CYTH1: variants seen among roughly 807,000 people sequenced by gnomAD.
The protein encoded by CYTH1 is cytohesin-1.
CYTH1 carries 18 observed loss-of-function variants against 61.8 expected under a neutral mutation model. The observed-to-expected ratio is 0.29, with a 90% CI of 0.20 to 0.43. CYTH1 has a LOEUF of 0.43. Ranked by LOEUF, CYTH1 falls within the 20% of genes least tolerant of loss-of-function variation. CYTH1 has a pLI of 1.00. For synonymous variants in CYTH1, 174 were observed against 184.3 expected, an observed-to-expected ratio of 0.94 and a Z score of 0.45; for missense variants, 336 against 510.5, an observed-to-expected ratio of 0.66 and a Z score of 3.29.
At chr17:78,725,687 C>G (rs182293753) in intron 1 of CYTH1, among the ~76,000 whole-genome samples, 1 of 152,286 alleles carries the variant, frequency 6.6e-6, no homozygotes, top group African/African-American at 2.4e-5. Context: ...GGATCACAGC[C>G]GGGGTTTACC....
At chr17:78,757,309 G>A (rs976221233) in intron 1 of CYTH1, among the ~76,000 whole-genome samples, 1 of 151,948 alleles carries the variant, frequency 6.6e-6, no homozygotes, top group African/African-American at 2.4e-5. Context: ...ATGACCGTGA[G>A]TGCAGTTTAA....
At chr17:78,765,026 G>A (rs1477851371) in intron 1 of CYTH1, among the ~76,000 whole-genome samples, 2 of 152,104 alleles carry the variant, frequency 1.3e-5, no homozygotes, top group Admixed American at 6.6e-5. Context: ...GAGAGAGTGC[G>A]GGAACTGAGC....
rs2092976063 is a variant in CYTH1, at chr17:78,698,883, C to T, written c.636G>A (p.Glu212=). ...TGCCTCGGTTCATGGCAATGAACCT[C>T]TCCACAGTGGGCTTATCTTTGACAT... ...NPNVKDKPTV[E]RFIAMNRGIN... The change falls in exon 8 of 14, where the codon GAG becomes GAA. Residue 212 remains glutamate, a synonymous_variant. Transcript: ENST00000446868. 6.2e-7 allele frequency: 1 copy of T among 1,611,336 alleles called. No individual in the cohort carries two copies. Among genetic ancestry groups the T allele is most frequent in the South Asian group, 1.1e-5 (1 of 90,462 alleles).
chr17:78,724,228 C>T (rs1439561580), intron 1 of CYTH1, among the ~76,000 whole-genome samples: 3 of 152,128 alleles, frequency 2.0e-5, no homozygotes, highest in African/African-American at 4.8e-5. Flanking sequence ...TCACCAAGGG[C>T]GCCTGTTAAA....
At chr17:78,679,114 A>G (rs754752544) in intron 13 of CYTH1, among the ~76,000 whole-genome samples, 3 of 152,258 alleles carry the variant, frequency 2.0e-5, no homozygotes, top group Non-Finnish European at 4.4e-5. Context: ...AAGATAAAAC[A>G]AAGGCTAGAG....
chr17:78,687,071 G>A (rs537411422), intron 11 of CYTH1, among the ~76,000 whole-genome samples: 147 of 152,136 alleles, frequency 9.7e-4, no homozygotes, highest in Non-Finnish European at 1.5e-3. Context: ...GTGAGCCACC[G>A]CGCCCAGCCT....
intron 1 of CYTH1, among the ~76,000 whole-genome samples, chr17:78,752,398 G>A (rs1174742975): frequency 6.6e-6 from 1 of 152,040 alleles, no homozygotes; most frequent in Admixed American, 6.6e-5. Context: ...AGGGCTACAG[G>A]GATAAACAAT....
intron 1 of CYTH1, among the ~76,000 whole-genome samples, chr17:78,743,586 A>G (rs1446404775): frequency 6.6e-6 from 1 of 152,246 alleles, no homozygotes. Context: ...ACTGAAATCT[A>G]GAACTTGTCT....
At chr17:78,699,508 G>C (rs1217713365) in intron 7 of CYTH1, among the ~76,000 whole-genome samples, 1 of 152,138 alleles carries the variant, frequency 6.6e-6, no homozygotes, top group East Asian at 1.9e-4. Flanking sequence ...TATTTTTTCA[G>C]ATTGGAAAGG....
intron 6 of CYTH1, among the ~76,000 whole-genome samples, 196 bp downstream of exon 6, chr17:78,701,475 G>A (rs565305273): frequency 6.6e-5 from 10 of 152,246 alleles, no homozygotes; most frequent in African/African-American, 2.2e-4. Flanking sequence ...CCTCCAGAAC[G>A]TAACAGAATT....
chr17:78,679,514 G>C (rs1337543290), intron 13 of CYTH1, among the ~76,000 whole-genome samples: 1 of 152,088 alleles, frequency 6.6e-6, no homozygotes, highest in African/African-American at 2.4e-5. Context: ...AAGTCCCAGG[G>C]AAGAACATTA....
chr17:78,709,536 T>C (rs771560933), intron 2 of CYTH1, 114 bp downstream of exon 2: 1 of 991,266 alleles, frequency 1.0e-6, no homozygotes, highest in East Asian at 2.4e-5. Flanking sequence ...AGAGCTGTAG[T>C]GAGGGCAGGT....
At chr17:78,779,754 G>C (rs552552691) in intron 1 of CYTH1, among the ~76,000 whole-genome samples, 10 of 152,328 alleles carry the variant, frequency 6.6e-5, no homozygotes, top group African/African-American at 2.2e-4. Context: ...AAAAGGTAAG[G>C]AAATGGGTTC....
intron 1 of CYTH1, among the ~76,000 whole-genome samples, chr17:78,760,517 GTATATATATATATACATACATA>G (rs2093422976): frequency 3.4e-5 from 1 of 29,658 alleles, no homozygotes; most frequent in Admixed American, 3.6e-4. Context: ...GTATATATAT[GTATATATATATATACATACATA>G]TATATGTATA....
In CYTH1 at chr17:78,702,823, TTTTC is replaced by T. The variant is rs540616555; in HGVS notation, c.171-223_171-220del. Among the ~76,000 whole-genome samples the T allele has an allele frequency of 6.6e-5, 10 of 152,012 alleles. No homozygotes were observed. In the South Asian group the frequency reaches 1.9e-3, roughly 29 times the overall value. On this transcript the variant is annotated intron_variant, in intron 3 of 13. Coordinates refer to ENST00000446868, the MANE Select transcript of CYTH1 (RefSeq NM_004762.6). ...TGCTCCTTCTACCCTGGAACAGAGG[TTTTC>T]TTTATTTTTTTTTGAGACAGGGTCT... is the stretch of plus-strand genomic sequence containing the variant.
At chr17:78,676,886 T>C in intron 13 of CYTH1, 1 of 409,732 alleles carries the variant, frequency 2.4e-6, no homozygotes, top group South Asian at 1.8e-5. Flanking sequence ...AAGCAACTTA[T>C]GGTCTAAAAG....
rs1356006515 is a variant in CYTH1 at position 78,717,592 on chromosome 17, G to A, written c.23-7860C>T. 1.3e-5 allele frequency among the ~76,000 whole-genome samples: 2 copies of A among 152,154 alleles called. No homozygotes were observed. The highest frequency in any genetic ancestry group is 4.8e-5 in the African/African-American group (2 of 41,430). On this transcript the variant is annotated intron_variant, in intron 1 of 13. Transcript: ENST00000446868. This position sits in a 1 kb window ranked among gnomAD's most constrained non-coding sequence, Gnocchi z 4.4. ...ATACAAAGGAGGACTGTCTTAAAGG[G>A]ACAGAGCCCTCTTTCCAAGCCAGAG...
chr17:78,680,940 C>T (rs1436945515), intron 12 of CYTH1, 31 bp downstream of exon 12: 1 of 1,608,742 alleles, frequency 6.2e-7, no homozygotes, highest in Admixed American at 1.7e-5. Flanking sequence ...TCCCCTTTCT[C>T]CCCTCAAAAT....
At chr17:78,726,944 T>A (rs1002059609) in intron 1 of CYTH1, among the ~76,000 whole-genome samples, 29 of 152,346 alleles carry the variant, frequency 1.9e-4, no homozygotes, top group African/African-American at 6.5e-4. Context: ...TATCCAGCAC[T>A]AATTCCCCAA....
Sources: allele counts gnomAD v4.1 joint callset (sites outside exome capture counted in the v4.1 genomes callset), GRCh38; gene constraint gnomAD v4.1.1; non-coding constraint Gnocchi (gnomAD v3.1); transcripts MANE v1.5; gene names NCBI Gene and HGNC (gene_info 2026-07-23, HGNC 2026-07-21).